The following C2orf42 variants were observed in gnomAD, a reference collection of about 807,000 sequenced individuals.
C2orf42 encodes the protein chromosome 2 open reading frame 42.
C2orf42 carries 44 observed loss-of-function variants against 58.9 expected under a neutral mutation model. The ratio of observed to expected loss-of-function variants is 0.75; its 90% confidence interval spans 0.59 to 0.96. The LOEUF is 0.96. Among genes scored for constraint, C2orf42 ranks in the 40% least tolerant of loss-of-function variants. The pLI, the probability that C2orf42 is intolerant of heterozygous loss-of-function variation, is 0.00. For synonymous variants in C2orf42, 239 were observed against 265.4 expected (o/e 0.90, Z 0.97); for missense variants, 630 against 699.2 (o/e 0.90, Z 1.12).
chr2:70,181,819 C>T lies in C2orf42; in HGVS notation c.167G>A (p.Arg56His), dbSNP rs142175181. The T allele has an allele frequency of 1.6e-5, 26 of 1,614,020 alleles. No individual in the cohort carries two copies. The highest frequency in any genetic ancestry group is 5.3e-5 in the African/African-American group (4 of 74,934). The stretch of plus-strand genomic sequence containing the variant: ...GACAGCTTCAACACTAGGCTGCTTG[C>T]GTGCACCGTAGCGGAATATGGTTCC... Reference protein sequence around the residue: ...TCGTIFRYGARKQPSVEAVKI... With the variant: ...TCGTIFRYGAHKQPSVEAVKI... Residue 56 changes from arginine (R) to histidine (H), a missense_variant, in exon 3 of 10, where the codon CGC becomes CAC. By Grantham distance (29) the Arg-to-His change is conservative. Transcript: ENST00000264434.
chr2:70,189,526 G>A (rs1473791329), intron 1 of C2orf42, among the ~76,000 whole-genome samples: 2 of 151,128 alleles, frequency 1.3e-5, no homozygotes, highest in African/African-American at 4.9e-5. Context: ...GACCATCCTG[G>A]CTAACACAGT....
At chr2:70,162,513 G>A (rs1673119901) in intron 8 of C2orf42, among the ~76,000 whole-genome samples, 1 of 151,636 alleles carries the variant, frequency 6.6e-6, no homozygotes, top group Non-Finnish European at 1.5e-5. Context: ...GGGCAGGATG[G>A]TGCGCTTGTA....
At chr2:70,186,147 C>G (rs1158225446) in intron 1 of C2orf42, among the ~76,000 whole-genome samples, 1 of 152,070 alleles carries the variant, frequency 6.6e-6, no homozygotes, top group African/African-American at 2.4e-5. Flanking sequence ...TATTCTCATT[C>G]AGTCCCACAT....
At chr2:70,159,963 G>A (rs1481260386) in intron 9 of C2orf42, among the ~76,000 whole-genome samples, 1 of 151,928 alleles carries the variant, frequency 6.6e-6, no homozygotes, top group Non-Finnish European at 1.5e-5. Context: ...TCATTCACAA[G>A]AGCAGCAAAA....
intron 4 of C2orf42, 93 bp from the exon 5 acceptor site, chr2:70,175,870 C>A: frequency 1.2e-6 from 1 of 816,286 alleles, no homozygotes; most frequent in South Asian, 1.4e-5. Flanking sequence ...TATAAACAGT[C>A]TTTGCTAATT....
chr2:70,179,695 G>C (rs1044609764), intron 3 of C2orf42, 53 bp from the exon 4 acceptor site: 6 of 698,026 alleles, frequency 8.6e-6, no homozygotes, highest in Non-Finnish European at 1.5e-5. Flanking sequence ...GTAAGTATAA[G>C]TATAGGCCTC....
chr2:70,164,407 G>C (rs1446695612), intron 8 of C2orf42, among the ~76,000 whole-genome samples: 1 of 152,070 alleles, frequency 6.6e-6, no homozygotes, highest in African/African-American at 2.4e-5. Flanking sequence ...AGCAGTTTGG[G>C]AGGATCATGA....
rs541122519 is a variant in C2orf42 at position 70,171,309 on chromosome 2, T to C, written c.1040-1648A>G. ...TAAATAAGTAAATAAATAAAAATAA[T>C]GGCTGTTTTAGAGGTTTATAAATTA... is the stretch of plus-strand genomic sequence containing the variant. On this transcript the variant is annotated intron_variant, in intron 5 of 9. Transcript: ENST00000264434. Among the ~76,000 whole-genome samples, 70 of 152,122 alleles carry C rather than the reference T, an allele frequency of 4.6e-4. No individual in the cohort carries two copies. The South Asian group carries it at 0.014, about 30-fold the overall frequency.
intron 5 of C2orf42, among the ~76,000 whole-genome samples, chr2:70,174,378 T>C (rs559933931): frequency 3.9e-5 from 6 of 152,274 alleles, no homozygotes; most frequent in African/African-American, 1.2e-4. Context: ...TCACACGCAG[T>C]TGTAAGAAAT....
intron 1 of C2orf42, among the ~76,000 whole-genome samples, chr2:70,184,309 CTCCGCCTCCCGGGCTCAAGCAAT>C (rs1674780184): frequency 6.6e-6 from 1 of 151,878 alleles, no homozygotes; most frequent in Non-Finnish European, 1.5e-5. Flanking sequence ...TCACTGCAAC[CTCCGCCTCCCGGGCTCAAGCAAT>C]TCTCTGGCTA....
At chr2:70,156,952 T>C (rs1672714133) in intron 9 of C2orf42, among the ~76,000 whole-genome samples, 1 of 152,010 alleles carries the variant, frequency 6.6e-6, no homozygotes, top group South Asian at 2.1e-4. Flanking sequence ...ACAAAGAATT[T>C]AGGGCAAAGT....
intron 9 of C2orf42, among the ~76,000 whole-genome samples, chr2:70,151,407 G>T (rs1672302753): frequency 6.6e-6 from 1 of 152,122 alleles, no homozygotes; most frequent in African/African-American, 2.4e-5. Context: ...AGGCTGAGGT[G>T]GGCGGATCAC....
chr2:70,176,502 A>G (rs1304792494), intron 4 of C2orf42, among the ~76,000 whole-genome samples: 3 of 136,008 alleles, frequency 2.2e-5, no homozygotes, highest in Non-Finnish European at 3.1e-5. Context: ...AGACTGTCTC[A>G]AAAAAAAAAA....
At position 70,160,709 on chromosome 2, in the gene C2orf42, C is replaced by G. The variant is rs752714230; in HGVS notation, c.1432G>C (p.Val478Leu). The G allele has an allele frequency of 6.8e-6, 11 of 1,613,228 alleles. No homozygotes were observed. The South Asian group carries it at 1.1e-4, about 16-fold the overall frequency. ...CCGTAGGTTTCTGCTATGCTTTCTACTTCCACTTTAGGGCATTTAAATAGC... is the reference window on the plus strand; with the variant it reads ...CCGTAGGTTTCTGCTATGCTTTCTAGTTCCACTTTAGGGCATTTAAATAGC... ...YELFKCPKVE[V>L]ESIAETYGRI... Residue 478 changes from valine (V) to leucine (L), a missense_variant, in exon 9 of 10, where the codon GTA becomes CTA. Transcript: ENST00000264434.
chr2:70,157,087 A>G (rs1369776599), intron 9 of C2orf42, among the ~76,000 whole-genome samples: 1 of 152,224 alleles, frequency 6.6e-6, no homozygotes, highest in Non-Finnish European at 1.5e-5. Flanking sequence ...TCAGGGAAAC[A>G]TAATTTTAGA....
rs1034008075 is a variant in C2orf42, at chr2:70,173,916, T to C, written c.1039+1757A>G. 2.0e-5 allele frequency among the ~76,000 whole-genome samples: 3 copies of C among 152,110 alleles called. No homozygotes were observed. The South Asian group carries it at 6.2e-4, about 31-fold the overall frequency. On this transcript the variant is annotated intron_variant, in intron 5 of 9. Transcript: ENST00000264434. ...CATAAAACGCCTTTTTCCTTCAACT[T>C]TGAATCTCTATACCAATTGCACATG...
intron 7 of C2orf42, 22 bp from the exon 8 acceptor site, chr2:70,165,214 A>G: frequency 5.3e-6 from 7 of 1,332,124 alleles, no homozygotes; most frequent in Non-Finnish European, 6.5e-6. Flanking sequence ...AAAAAGGACA[A>G]AATTAGATTA....
At chr2:70,183,435 T>C (rs980400797) in intron 1 of C2orf42, among the ~76,000 whole-genome samples, 1 of 151,656 alleles carries the variant, frequency 6.6e-6, no homozygotes, top group African/African-American at 2.4e-5. Context: ...TCTCTTTTTT[T>C]TTTTCTTCTT....
chr2:70,179,674 C>T, intron 3 of C2orf42, 32 bp from the exon 4 acceptor site: 1 of 905,546 alleles, frequency 1.1e-6, no homozygotes, highest in South Asian at 1.4e-5. Flanking sequence ...AATTATTAAT[C>T]CTATCCAAGG....
Sources: gnomAD v4.1 joint callset for allele counts (sites outside exome capture counted in the v4.1 genomes callset) on GRCh38, gnomAD v4.1.1 for gene constraint, MANE v1.5 for transcripts, NCBI Gene and HGNC (gene_info 2026-07-23, HGNC 2026-07-21) for gene names.